Variants in FCHO2 observed in about 807,000 individuals in gnomAD.
The protein encoded by FCHO2 is FCH and mu domain containing endocytic adaptor 2, also known as F-BAR domain only protein 2.
FCHO2 carries 43 observed loss-of-function variants against 114.1 expected under a neutral mutation model. The observed-to-expected ratio is 0.38, with a 90% CI of 0.30 to 0.49. FCHO2 has a LOEUF of 0.49. FCHO2 is among the 20% of genes least tolerant of loss of function. The pLI is 0.97. For missense variants in FCHO2, 807 were observed against 950.4 expected (o/e 0.85, Z 1.98); for synonymous variants, 293 against 315.2 (o/e 0.93, Z 0.75).
At chr5:73,034,748 G>A (rs1203992894) in intron 9 of FCHO2, 47 bp downstream of exon 9, 1 of 1,447,486 alleles carries the variant, frequency 6.9e-7, no homozygotes, top group South Asian at 1.4e-5. Flanking sequence ...CAGCTAGCTA[G>A]TATCTTCTGT....
chr5:73,010,948 A>G (rs1754977750), intron 6 of FCHO2, among the ~76,000 whole-genome samples: 1 of 151,354 alleles, frequency 6.6e-6, no homozygotes, highest in African/African-American at 2.4e-5. Context: ...GTAGACTGCT[A>G]CAGACCTGGC....
chr5:73,017,318 T>TA lies in FCHO2; in HGVS notation c.796+13dup. 1 of 1,506,114 alleles carries TA rather than the reference T, an allele frequency of 6.6e-7. No individual in the cohort carries two copies. Among genetic ancestry groups the TA allele is most frequent in the South Asian group, 1.3e-5 (1 of 78,032 alleles). The allele number at this position is 1,506,114 out of a possible 1,614,324, so 93.3% of individuals were successfully genotyped here. Reference sequence around the variant, plus strand: ...GGGAAGGAAAGACCTGGTAAGATGATAAACTCTGCAAGGAAACATTTTAAA... The same window carrying TA: ...GGGAAGGAAAGACCTGGTAAGATGATAAAACTCTGCAAGGAAACATTTTAAA... On this transcript the variant is annotated intron_variant, in intron 8 of 25. Coordinates refer to ENST00000430046, the MANE Select transcript of FCHO2 (RefSeq NM_138782.3).
intron 19 of FCHO2, 86 bp downstream of exon 19, chr5:73,068,865 T>TG (rs1742495056): frequency 7.1e-7 from 1 of 1,409,182 alleles, no homozygotes; most frequent in Admixed American, 2.5e-5. Context: ...AATGGGCTAA[T>TG]GAAGAATTTA....
At chr5:72,989,345 C>T in intron 2 of FCHO2, 82 bp from the exon 3 acceptor site, 3 of 975,860 alleles carry the variant, frequency 3.1e-6, no homozygotes, top group Non-Finnish European at 4.5e-6. Context: ...TTTTGTTTTG[C>T]ACTTTTAATT....
At chr5:73,018,098 A>G (rs533151562) in intron 8 of FCHO2, among the ~76,000 whole-genome samples, 4 of 152,194 alleles carry the variant, frequency 2.6e-5, no homozygotes, top group African/African-American at 7.2e-5. Context: ...TTAAAATATG[A>G]TATGGCATTC....
intron 16 of FCHO2, among the ~76,000 whole-genome samples, chr5:73,057,421 G>A (rs769689975): frequency 3.9e-5 from 6 of 151,966 alleles, no homozygotes; most frequent in Non-Finnish European, 8.8e-5. Context: ...TATCATACGA[G>A]GTATAGTGTG....
chr5:73,068,839 T>C (rs766412247), intron 19 of FCHO2, 60 bp downstream of exon 19: 337 of 1,502,124 alleles, frequency 2.2e-4, no homozygotes, highest in Non-Finnish European at 2.8e-4. Context: ...GTATGCTAAA[T>C]ATGTATATAT....
intron 24 of FCHO2, among the ~76,000 whole-genome samples, chr5:73,084,773 A>G (rs1011244171): frequency 2.6e-5 from 4 of 152,214 alleles, no homozygotes; most frequent in African/African-American, 7.2e-5. Flanking sequence ...AGAGCCATAC[A>G]TTGGGTGAAA....
At chr5:73,032,424 T>C (rs1382304676) in intron 8 of FCHO2, among the ~76,000 whole-genome samples, 1 of 152,156 alleles carries the variant, frequency 6.6e-6, no homozygotes, top group Admixed American at 6.5e-5. Context: ...TTTAAGAGGA[T>C]GTTTAGAAAA....
intron 8 of FCHO2, 75 bp downstream of exon 8, chr5:73,017,383 A>G (rs1755362483): frequency 2.2e-6 from 2 of 911,252 alleles, no homozygotes; most frequent in African/African-American, 3.4e-5. Context: ...CTTGAAGATC[A>G]TGTGGGTAAG....
At position 72,990,344 on chromosome 5, in the gene FCHO2, C is replaced by G. The variant is rs957186038; in HGVS notation, c.201-134C>G. 9.9e-5 allele frequency: 64 copies of G among 648,112 alleles called. 1 individual carries two copies. In the African/African-American group the frequency reaches 1.2e-3, roughly 12 times the overall value. 40.1% of individuals were successfully genotyped at this position (648,112 alleles called of 1,614,324 possible). ...AGGTCAGTCTGTCAATCATTTTATTCATTATTTTAATTTCATCTTTTGCCT... is the reference window on the plus strand; with the variant it reads ...AGGTCAGTCTGTCAATCATTTTATTGATTATTTTAATTTCATCTTTTGCCT... On this transcript the variant is annotated intron_variant, in intron 3 of 25. Transcript: ENST00000430046.
chr5:73,029,531 A>G (rs993123118), intron 8 of FCHO2, among the ~76,000 whole-genome samples: 1 of 152,204 alleles, frequency 6.6e-6, no homozygotes, highest in African/African-American at 2.4e-5. Context: ...AGCCTTGGGT[A>G]CTGTATTCGT....
intron 20 of FCHO2, among the ~76,000 whole-genome samples, chr5:73,076,402 G>C (rs945989699): frequency 1.3e-5 from 2 of 152,150 alleles, no homozygotes; most frequent in African/African-American, 4.8e-5. Context: ...TGAGGTGGTG[G>C]AATCAAAGGA....
At chr5:73,083,387 G>A (rs886267823) in intron 24 of FCHO2, among the ~76,000 whole-genome samples, 2 of 152,090 alleles carry the variant, frequency 1.3e-5, no homozygotes, top group African/African-American at 4.8e-5. Flanking sequence ...AATTTATTTT[G>A]CCATAACTTT....
At chr5:73,072,162 G>A (rs1742686508) in intron 19 of FCHO2, among the ~76,000 whole-genome samples, 1 of 151,574 alleles carries the variant, frequency 6.6e-6, no homozygotes, top group Admixed American at 6.6e-5. Flanking sequence ...CCAAAGTACT[G>A]GAATTACAGG....
At chr5:72,996,139 A>G (rs1754080718) in intron 5 of FCHO2, among the ~76,000 whole-genome samples, 1 of 151,006 alleles carries the variant, frequency 6.6e-6, no homozygotes, top group Non-Finnish European at 1.5e-5. Context: ...GCTACTCGGG[A>G]GGCTAAGGCA....
chr5:72,974,353 T>TTTG (rs1752741355), intron 2 of FCHO2, among the ~76,000 whole-genome samples: 1 of 142,594 alleles, frequency 7.0e-6, no homozygotes, highest in African/African-American at 2.6e-5. Context: ...TCTTTGTAGG[T>TTTG]CACTCAGGAC....
rs141578071 is a variant in FCHO2 at position 72,995,351 on chromosome 5, G to A, written c.495+4487G>A. On this transcript the variant is annotated intron_variant, in intron 5 of 25. Transcript: ENST00000430046. ...GCTCACTGCAACCTCCGCCTCCCGA[G>A]TTCAAGCAATTCTGGTGACTCAGCC... is the stretch of plus-strand genomic sequence containing the variant. Among the ~76,000 whole-genome samples, 848 of 151,906 alleles carry A rather than the reference G, an allele frequency of 5.6e-3. 14 individuals are homozygous for A. Among genetic ancestry groups the A allele is most frequent in the African/African-American group, 0.02 (813 of 41,420 alleles).
At chr5:73,040,489 A>G (rs1405198359) in intron 10 of FCHO2, among the ~76,000 whole-genome samples, 1 of 152,204 alleles carries the variant, frequency 6.6e-6, no homozygotes, top group Non-Finnish European at 1.5e-5. Flanking sequence ...AATTTATTTT[A>G]GAGTGCATAC....
Sources: gnomAD v4.1 joint callset for allele counts (sites outside exome capture counted in the v4.1 genomes callset) on GRCh38, gnomAD v4.1.1 for gene constraint, MANE v1.5 for transcripts, NCBI Gene and HGNC (gene_info 2026-07-23, HGNC 2026-07-21) for gene names.